The following FHIP1A variants were observed in gnomAD, a reference collection of about 807,000 sequenced individuals.
FHIP1A encodes the protein FHF complex subunit HOOK interacting protein 1A, also known as FHF complex subunit HOOK-interacting protein 1A.
Under a neutral mutation model 88.6 loss-of-function variants are expected in FHIP1A, and 61 were observed. The ratio of observed to expected loss-of-function variants is 0.69; its 90% CI spans 0.56 to 0.85. The LOEUF is 0.85. FHIP1A is among the 40% of genes least tolerant of loss of function. FHIP1A has a pLI of 0.00. For synonymous variants in FHIP1A, 478 were observed against 496.0 expected, an observed-to-expected ratio of 0.96 and a Z score of 0.48; for missense variants, 1,154 against 1,273.5, an observed-to-expected ratio of 0.91 and a Z score of 1.43.
chr4:151,534,922 A>C (rs1732010065), intron 3 of FHIP1A: 1 of 152,196 alleles, frequency 6.6e-6, no homozygotes, highest in Admixed American at 6.5e-5. Flanking sequence ...TGCTTAGTTA[A>C]AAGAATGTTC....
At chr4:151,502,159 A>G (rs1270051641) in intron 3 of FHIP1A, among the ~76,000 whole-genome samples, 2 of 147,240 alleles carry the variant, frequency 1.4e-5, no homozygotes, top group African/African-American at 5.0e-5. Context: ...CTACAAAAGA[A>G]AAAAAAAAAA....
At chr4:151,569,306 C>A (rs1004057334) in intron 4 of FHIP1A, among the ~76,000 whole-genome samples, 4 of 152,196 alleles carry the variant, frequency 2.6e-5, no homozygotes, top group Non-Finnish European at 5.9e-5. Flanking sequence ...GTAATCCCAG[C>A]ACTTTGGAAG....
chr4:151,532,299 G>C (rs1296089171), intron 3 of FHIP1A, among the ~76,000 whole-genome samples: 1 of 152,150 alleles, frequency 6.6e-6, no homozygotes, highest in African/African-American at 2.4e-5. Context: ...TCATTTGCCA[G>C]ATCCTTTGTA....
chr4:151,480,592 G>A (rs1315267977), intron 2 of FHIP1A, among the ~76,000 whole-genome samples: 4 of 151,990 alleles, frequency 2.6e-5, no homozygotes, highest in South Asian at 4.1e-4. Context: ...AACCCCTTGC[G>A]ATTAAATGGC....
intron 1 of FHIP1A, among the ~76,000 whole-genome samples, chr4:151,425,694 A>T (rs1733339413): frequency 6.6e-6 from 1 of 152,184 alleles, no homozygotes; most frequent in African/African-American, 2.4e-5. Flanking sequence ...TCTAAAATCA[A>T]GGTATAGGCA....
chr4:151,648,379 TAGATA>T (rs1311029005), intron 10 of FHIP1A, among the ~76,000 whole-genome samples: 1 of 152,098 alleles, frequency 6.6e-6, no homozygotes, highest in Non-Finnish European at 1.5e-5. Context: ...TTACATAACA[TAGATA>T]AGAGATAAAC....
chr4:151,508,668 A>T (rs1337531071), intron 3 of FHIP1A, among the ~76,000 whole-genome samples: 1 of 152,162 alleles, frequency 6.6e-6, no homozygotes, highest in African/African-American at 2.4e-5. Context: ...TTACTCTTGG[A>T]AGGCTTAGAA....
chr4:151,620,620 G>C (rs1735703090), intron 7 of FHIP1A, among the ~76,000 whole-genome samples: 1 of 152,084 alleles, frequency 6.6e-6, no homozygotes, highest in Non-Finnish European at 1.5e-5. Flanking sequence ...ATTTTCAGAG[G>C]CTGAGTAGAT....
chr4:151,497,364 A>G (rs984858183), intron 3 of FHIP1A, among the ~76,000 whole-genome samples: 1 of 152,242 alleles, frequency 6.6e-6, no homozygotes, highest in South Asian at 2.1e-4. Context: ...TCTATGGCCC[A>G]TGAACCAAAT....
chr4:151,498,733 T>C (rs1274434276), intron 3 of FHIP1A, among the ~76,000 whole-genome samples: 1 of 152,124 alleles, frequency 6.6e-6, no homozygotes, highest in Non-Finnish European at 1.5e-5. Flanking sequence ...GAGAATGGCA[T>C]GAACCCAGGA....
chr4:151,516,659 A>C (rs1442273446), intron 3 of FHIP1A, among the ~76,000 whole-genome samples: 4 of 152,246 alleles, frequency 2.6e-5, no homozygotes, highest in African/African-American at 4.8e-5. Flanking sequence ...ACAGACACTT[A>C]CCAAAAGAAG....
At chr4:151,442,190 G>A (rs1728436661) in intron 1 of FHIP1A, among the ~76,000 whole-genome samples, 2 of 152,128 alleles carry the variant, frequency 1.3e-5, no homozygotes, top group South Asian at 2.1e-4. Flanking sequence ...TATGTGCCGC[G>A]TGGCTGATTG....
intron 3 of FHIP1A, among the ~76,000 whole-genome samples, chr4:151,489,874 C>A (rs757450212): frequency 6.6e-6 from 1 of 152,116 alleles, no homozygotes; most frequent in Non-Finnish European, 1.5e-5. Flanking sequence ...GATGTTTTTC[C>A]TCTCCCCGCC....
chr4:151,575,972 C>T (rs757310653), intron 4 of FHIP1A, among the ~76,000 whole-genome samples: 18 of 152,012 alleles, frequency 1.2e-4, no homozygotes, highest in Non-Finnish European at 2.2e-4. Context: ...TTCAGAAAGG[C>T]AAAAACGGAC....
At chr4:151,476,687 A>G (rs765348228) in intron 2 of FHIP1A, among the ~76,000 whole-genome samples, 2 of 152,210 alleles carry the variant, frequency 1.3e-5, no homozygotes, top group African/African-American at 2.4e-5. Context: ...CAAGAAAATC[A>G]GAAAGGAGGT....
intron 7 of FHIP1A, among the ~76,000 whole-genome samples, chr4:151,622,703 A>G (rs937967936): frequency 1.3e-5 from 2 of 152,146 alleles, no homozygotes; most frequent in African/African-American, 2.4e-5. Flanking sequence ...TTGAATCAAA[A>G]AAGGACTCTG....
At chr4:151,518,118 T>G (rs1046161600) in intron 3 of FHIP1A, among the ~76,000 whole-genome samples, 3 of 152,304 alleles carry the variant, frequency 2.0e-5, no homozygotes, top group Non-Finnish European at 2.9e-5. Context: ...CAGAGCAACT[T>G]TCAGTCCTGC....
chr4:151,422,339 T>G (rs1733204159), intron 1 of FHIP1A, among the ~76,000 whole-genome samples: 1 of 152,030 alleles, frequency 6.6e-6, no homozygotes, highest in South Asian at 2.1e-4. Context: ...AATAAATATT[T>G]GTTGAATTGA....
chr4:151,438,087 A>G (rs1360199503), intron 1 of FHIP1A, among the ~76,000 whole-genome samples: 33 of 151,946 alleles, frequency 2.2e-4, no homozygotes, highest in Admixed American at 2.2e-3. Flanking sequence ...TGAGAGACCA[A>G]AGAATGATGC....
Sources: allele counts gnomAD v4.1 joint callset (sites outside exome capture counted in the v4.1 genomes callset), GRCh38; gene constraint gnomAD v4.1.1; transcripts MANE v1.5; gene names NCBI Gene and HGNC (gene_info 2026-07-23, HGNC 2026-07-21).